The following GPHN variants were observed in gnomAD, a reference collection of about 807,000 sequenced individuals.
GPHN encodes gephyrin.
Under a neutral mutation model 95.5 loss-of-function variants are expected in GPHN, and 17 were observed. The observed-to-expected ratio is 0.18, with a 90% confidence interval of 0.12 to 0.27. GPHN has a LOEUF of 0.27. GPHN is among the 10% of genes least tolerant of loss of function. The pLI is 1.00. For synonymous variants in GPHN, 320 were observed against 322.5 expected (o/e 0.99, Z 0.08); for missense variants, 660 against 978.1 (o/e 0.67, Z 4.34).
At chr14:66,755,251 T>G (rs1237505318) in intron 2 of GPHN, among the ~76,000 whole-genome samples, 1 of 152,120 alleles carries the variant, frequency 6.6e-6, no homozygotes, top group Non-Finnish European at 1.5e-5. Context: ...GAATTAAATG[T>G]ATTTATTAGC....
At chr14:67,093,103 A>T (rs1414511673) in intron 12 of GPHN, among the ~76,000 whole-genome samples, 1 of 152,136 alleles carries the variant, frequency 6.6e-6, no homozygotes, top group Non-Finnish European at 1.5e-5. Context: ...ACAAACCAGG[A>T]ATTATTTTCA....
chr14:66,584,509 A>G (rs1048640028), intron 1 of GPHN, among the ~76,000 whole-genome samples: 6 of 152,134 alleles, frequency 3.9e-5, no homozygotes, highest in African/African-American at 1.4e-4. Context: ...ATTCAGTATA[A>G]TATTGGCTGT....
the GPHN span, chr14:67,656,420 C>T: frequency 2.5e-6 from 4 of 1,608,850 alleles, no homozygotes; most frequent in East Asian, 8.9e-5. Context: ...ACTTACTCTA[C>T]TCTTGGTACG....
At chr14:67,214,604 C>T in the GPHN span, among the ~76,000 whole-genome samples, 2 of 152,100 alleles carry the variant, frequency 1.3e-5, no homozygotes, top group Non-Finnish European at 1.5e-5. Flanking sequence ...TAGCGTGGTG[C>T]CTCCAGCTTT....
At chr14:66,841,446 A>G (rs2062083981) in intron 4 of GPHN, among the ~76,000 whole-genome samples, 1 of 152,192 alleles carries the variant, frequency 6.6e-6, no homozygotes, top group Non-Finnish European at 1.5e-5. Context: ...AGACTATTAA[A>G]ATAATCCAGG....
At chr14:66,717,271 A>G (rs993873769) in intron 2 of GPHN, among the ~76,000 whole-genome samples, 25 of 151,984 alleles carry the variant, frequency 1.6e-4, no homozygotes, top group African/African-American at 5.8e-4. Flanking sequence ...TCTTTCTTCT[A>G]CTTGTTCCAT....
chr14:67,612,604 G>A, the GPHN span, among the ~76,000 whole-genome samples: 1 of 152,090 alleles, frequency 6.6e-6, no homozygotes, highest in African/African-American at 2.4e-5. Flanking sequence ...GAAAAACACT[G>A]TTTAAGAAAA....
At chr14:66,800,337 C>T (rs1036838537) in intron 3 of GPHN, among the ~76,000 whole-genome samples, 10 of 151,940 alleles carry the variant, frequency 6.6e-5, no homozygotes, top group Non-Finnish European at 1.3e-4. Context: ...TGCTTTTTTT[C>T]TGATCGAAGT....
chr14:67,457,926 G>A, the GPHN span, among the ~76,000 whole-genome samples: 2 of 152,198 alleles, frequency 1.3e-5, no homozygotes, highest in East Asian at 1.9e-4. Context: ...CCCAGCTGGC[G>A]GGGGATGAGG....
intron 2 of GPHN, among the ~76,000 whole-genome samples, chr14:66,751,932 A>G (rs1188391723): frequency 6.6e-6 from 1 of 152,104 alleles, no homozygotes; most frequent in Non-Finnish European, 1.5e-5. Context: ...ATTCTGTTAT[A>G]TAGAATAGCC....
chr14:67,377,482 A>AT, the GPHN span, among the ~76,000 whole-genome samples: 5 of 152,080 alleles, frequency 3.3e-5, no homozygotes, highest in Admixed American at 1.3e-4. Flanking sequence ...TACCTATTTT[A>AT]TTTTATAAAG....
intron 3 of GPHN, among the ~76,000 whole-genome samples, chr14:66,786,169 G>A (rs756627922): frequency 1.4e-4 from 21 of 152,044 alleles, no homozygotes; most frequent in Non-Finnish European, 2.9e-4. Flanking sequence ...AAAGGAGAAA[G>A]GGCACAATCA....
intron 11 of GPHN, among the ~76,000 whole-genome samples, chr14:67,070,715 A>AAAAATATATATATATATATAT: frequency 2.5e-5 from 2 of 80,698 alleles, no homozygotes; most frequent in African/African-American, 2.5e-4. Context: ...AAAAAAAAAA[A>AAAAATATATATATATATATAT]ATATATATAT....
intron 9 of GPHN, among the ~76,000 whole-genome samples, chr14:66,986,836 A>G (rs1040708698): frequency 1.3e-5 from 2 of 151,976 alleles, no homozygotes; most frequent in Non-Finnish European, 2.9e-5. Flanking sequence ...ATGAAATACT[A>G]ATTTCTGCAC....
intron 10 of GPHN, among the ~76,000 whole-genome samples, chr14:67,049,383 A>C (rs540793731): frequency 5.3e-5 from 8 of 151,578 alleles, no homozygotes; most frequent in African/African-American, 1.5e-4. Context: ...GCCCGCCACC[A>C]CACCCGGCTA....
chr14:66,784,021 G>GAA (rs1321396412), intron 3 of GPHN, among the ~76,000 whole-genome samples: 1 of 151,980 alleles, frequency 6.6e-6, no homozygotes, highest in Admixed American at 6.5e-5. Flanking sequence ...GCATGAGTGA[G>GAA]AAAAAAACAG....
At chr14:67,045,502 T>G (rs2074964466) in intron 10 of GPHN, among the ~76,000 whole-genome samples, 1 of 151,768 alleles carries the variant, frequency 6.6e-6, no homozygotes, top group African/African-American at 2.4e-5. Context: ...TCTGTCTTTG[T>G]CTTTCTCTGT....
intron 8 of GPHN, among the ~76,000 whole-genome samples, chr14:66,929,324 C>G (rs541477265): frequency 6.6e-6 from 1 of 152,126 alleles, no homozygotes; most frequent in East Asian, 1.9e-4. Context: ...GAATTACAGG[C>G]CTGAGCTACC....
chr14:67,001,853 C>T (rs1245558831), intron 9 of GPHN, among the ~76,000 whole-genome samples: 1 of 151,680 alleles, frequency 6.6e-6, no homozygotes. Flanking sequence ...TACCACCAAT[C>T]CTAGTGTAAT....
Sources: gnomAD v4.1 joint callset for allele counts (sites outside exome capture counted in the v4.1 genomes callset) on GRCh38, gnomAD v4.1.1 for gene constraint, MANE v1.5 for transcripts, NCBI Gene and HGNC (gene_info 2026-07-23, HGNC 2026-07-21) for gene names.